The following OTOGL variants were observed in gnomAD, a reference collection of about 807,000 sequenced individuals.
OTOGL encodes otogelin like, also known as otogelin-like protein.
OTOGL carries 285 observed loss-of-function variants against 318.5 expected under a neutral mutation model. The observed-to-expected ratio is 0.89, with a 90% CI of 0.81 to 0.99. The LOEUF (loss-of-function observed/expected upper bound fraction) is 0.99, where lower values mean the gene tolerates loss of function less well. Among genes scored for constraint, OTOGL ranks in the 50% least tolerant of loss-of-function variants. The probability of loss-of-function intolerance (pLI) is 0.00; values close to 1 mark genes in which losing one functional copy is unlikely to be tolerated. For synonymous variants in OTOGL, 987 were observed against 936.5 expected, an observed-to-expected ratio of 1.05 and a Z score of -0.99; for missense variants, 2,899 against 2,845.6, an observed-to-expected ratio of 1.02 and a Z score of -0.43.
intron 5 of OTOGL, among the ~76,000 whole-genome samples, chr12:80,218,795 C>CTTTTTTTTTTTTTTTTTT (rs34204072): frequency 8.5e-6 from 1 of 118,240 alleles, no homozygotes; most frequent in Non-Finnish European, 1.7e-5. Context: ...CTTTTTCTTT[C>CTTTTTTTTTTTTTTTTTT]TTTTTTTTTT....
intron 1 of OTOGL, among the ~76,000 whole-genome samples, chr12:80,108,433 C>T (rs528751266): frequency 2.0e-5 from 3 of 151,802 alleles, no homozygotes; most frequent in Non-Finnish European, 4.4e-5. Context: ...TGAATCATAT[C>T]AAGAGGCATT....
At chr12:80,102,772 C>T (rs559094794) in intron 1 of OTOGL, 10 of 607,820 alleles carry the variant, frequency 1.6e-5, no homozygotes, top group Non-Finnish European at 2.6e-5. Flanking sequence ...TAAAGTCCTA[C>T]TGATGGATGG....
At chr12:80,253,759 T>TATCACTTACCTTGGTAATTCTA (rs1881782357) in intron 14 of OTOGL, among the ~76,000 whole-genome samples, 185 bp downstream of exon 14, 1 of 152,186 alleles carries the variant, frequency 6.6e-6, no homozygotes, top group Non-Finnish European at 1.5e-5. Context: ...ATGTAATTCT[T>TATCACTTACCTTGGTAATTCTA]ATCACTTACC....
At chr12:80,197,916 G>T (rs1430112428) in intron 1 of OTOGL, among the ~76,000 whole-genome samples, 1 of 152,072 alleles carries the variant, frequency 6.6e-6, no homozygotes, top group Non-Finnish European at 1.5e-5. Flanking sequence ...GTACAAGGGG[G>T]ACATAAGTAG....
At position 80,170,178 on chromosome 12, in the gene OTOGL, G is replaced by GGTGTGT. The variant is rs532627744; in HGVS notation, c.-19-39204_-19-39199dup. Reference sequence around the variant, plus strand: ...CCTTGCCAGTGCTCACTTTGTCAGGGGTGTGTGTGTGTGTGTGTGTGTGTG... The same window carrying GGTGTGT: ...CCTTGCCAGTGCTCACTTTGTCAGGGGTGTGTGTGTGTGTGTGTGTGTGTGTGTGTG... On this transcript the variant is annotated intron_variant, in intron 1 of 58. Transcript: ENST00000547103. Among the ~76,000 whole-genome samples the GGTGTGT allele has an allele frequency of 1.4e-3, 205 of 144,146 alleles. 2 individuals are homozygous for GGTGTGT. The highest frequency in any genetic ancestry group is 3.7e-3 in the African/African-American group (141 of 38,424). The allele number at this position is 144,146 out of a possible 152,430, so 94.6% of individuals were successfully genotyped here. A position where few individuals can be genotyped will look rare whatever the true frequency, so the allele number is the denominator to read the frequency against.
At chr12:80,145,267 C>G (rs1053491065) in intron 1 of OTOGL, among the ~76,000 whole-genome samples, 4 of 151,818 alleles carry the variant, frequency 2.6e-5, no homozygotes, top group Non-Finnish European at 4.4e-5. Context: ...TATCAGCTTT[C>G]TACATATGGC....
At chr12:80,268,592 CG>C (rs1883177961) in intron 22 of OTOGL, among the ~76,000 whole-genome samples, 1 of 152,128 alleles carries the variant, frequency 6.6e-6, no homozygotes, top group Admixed American at 6.6e-5. Flanking sequence ...TTCTGTGGTA[CG>C]CAGTACTATT....
At chr12:80,190,875 T>C (rs1875646812) in intron 1 of OTOGL, among the ~76,000 whole-genome samples, 1 of 152,076 alleles carries the variant, frequency 6.6e-6, no homozygotes, top group African/African-American at 2.4e-5. Flanking sequence ...TTAAAAATAG[T>C]TCTTCCTTTA....
At chr12:80,212,108 A>G in intron 4 of OTOGL, 111 bp downstream of exon 4, 1 of 1,123,012 alleles carries the variant, frequency 8.9e-7, no homozygotes, top group Middle Eastern at 2.0e-4. Context: ...AATGCTAAGA[A>G]CAAGACAGGA....
At chr12:80,295,972 T>C (rs546381783) in intron 26 of OTOGL, among the ~76,000 whole-genome samples, 1 of 152,296 alleles carries the variant, frequency 6.6e-6, no homozygotes, top group African/African-American at 2.4e-5. Flanking sequence ...TTAGAAACTT[T>C]GATTCTAAAG....
Position 80,107,983 on chromosome 12 carries a change from C to G in OTOGL, c.-20+8378C>G, listed in dbSNP as rs543382884. On this transcript the variant is annotated intron_variant, in intron 1 of 58. Transcript: ENST00000547103. ...TGGGAGGAGGGACAGGATCAAAAAA[C>G]TATCTATTGGGTACTATGTTTATTA... Among the ~76,000 whole-genome samples, 483 of 152,072 alleles carry G rather than the reference C, an allele frequency of 3.2e-3. 3 individuals carry two copies. Among genetic ancestry groups the G allele is most frequent in the African/African-American group, 0.011 (464 of 41,540 alleles).
chr12:80,286,206 C>T (rs939722880), intron 26 of OTOGL, among the ~76,000 whole-genome samples: 2 of 152,178 alleles, frequency 1.3e-5, no homozygotes, highest in Non-Finnish European at 2.9e-5. Context: ...ACCAGCTTTG[C>T]ATCTCAGGGA....
rs151051494 is a variant in OTOGL, at chr12:80,370,654, G to T, written c.6700G>T (p.Val2234Phe). 4 of 1,593,200 alleles carry T rather than the reference G, an allele frequency of 2.5e-6. No individual in the cohort carries two copies. In the African/African-American group the frequency reaches 5.4e-5, roughly 21 times the overall value. Residue 2234 changes from valine (V) to phenylalanine (F), a missense_variant, in exon 56 of 59, where the codon GTC becomes TTC. This residue lies in a region of OTOGL where 289 missense variants were observed against 304.6 expected (regional missense o/e 0.95). Coordinates refer to ENST00000547103, the MANE Select transcript of OTOGL (RefSeq NM_001378609.3). ...AGCAATAATTCTGAACTACACAATG[G>T]TCTGTCCCCCTTTTAATGAGACTGA... is the stretch of plus-strand genomic sequence containing the variant. ...EGAIILNYTM[V>F]CPPFNETECK... is the part of the protein sequence containing the mutation.
chr12:80,149,153 T>C (rs1872602975), intron 1 of OTOGL, among the ~76,000 whole-genome samples: 1 of 152,250 alleles, frequency 6.6e-6, no homozygotes, highest in Non-Finnish European at 1.5e-5. Flanking sequence ...TTTCCAGTTT[T>C]TCTGTTGTGT....
At chr12:80,149,231 T>C (rs555111202) in intron 1 of OTOGL, among the ~76,000 whole-genome samples, 3 of 152,180 alleles carry the variant, frequency 2.0e-5, no homozygotes, top group Non-Finnish European at 2.9e-5. Context: ...GATGGGTTTT[T>C]GGTGTGGATG....
chr12:80,366,907 T>C (rs553927245), intron 53 of OTOGL, among the ~76,000 whole-genome samples: 4 of 152,078 alleles, frequency 2.6e-5, no homozygotes, highest in South Asian at 2.1e-4. Flanking sequence ...CTTTTTAATA[T>C]GTCTACATTT....
rs1385285618 is a variant in OTOGL, at chr12:80,336,229, G to T, written c.4600+89G>T. On this transcript the variant is annotated intron_variant, in intron 39 of 58. Coordinates refer to ENST00000547103, the MANE Select transcript of OTOGL (RefSeq NM_001378609.3). ...TTTTTTGAACCTTTCACCTCATCAA[G>T]CCAAAGTTACTGTTTTTGAGTTTTC... 4 of 1,379,274 alleles carry T rather than the reference G, an allele frequency of 2.9e-6. No homozygotes were observed. The Admixed American group carries it at 1.3e-4, about 43-fold the overall frequency. The allele number at this position is 1,379,274 out of a possible 1,614,324, so 85.4% of individuals were successfully genotyped here.
chr12:80,252,229 T>G, intron 13 of OTOGL, 28 bp downstream of exon 13: 1 of 1,586,176 alleles, frequency 6.3e-7, no homozygotes, highest in Non-Finnish European at 8.6e-7. Flanking sequence ...AAACCATGTC[T>G]GCACTCATGG....
chr12:80,235,730 C>T (rs1044907893), intron 9 of OTOGL, among the ~76,000 whole-genome samples: 13 of 152,050 alleles, frequency 8.5e-5, no homozygotes, highest in African/African-American at 1.4e-4. Context: ...GGCAATTGAA[C>T]GGAATTATAG....
Sources: gnomAD v4.1 joint callset for allele counts (sites outside exome capture counted in the v4.1 genomes callset) on GRCh38, gnomAD v4.1.1 for gene constraint, gnomAD v4.1.1 regional missense constraint, MANE v1.5 for transcripts, NCBI Gene and HGNC (gene_info 2026-07-23, HGNC 2026-07-21) for gene names.